Variants in TEX9 observed in about 807,000 individuals in gnomAD.
TEX9 encodes the protein testis-expressed protein 9.
In TEX9, 74 loss-of-function variants were observed where a neutral mutation model predicts 59.6. That is an observed-to-expected ratio of 1.24 (90% CI 1.03 to 1.51). The LOEUF is 1.51. Ranked by LOEUF, TEX9 falls within the 40% of genes most tolerant of loss-of-function variation. TEX9 has a pLI of 0.00. For missense variants in TEX9, 522 were observed against 447.8 expected, an observed-to-expected ratio of 1.17 and a Z score of -1.49; for synonymous variants, 186 against 152.2, an observed-to-expected ratio of 1.22 and a Z score of -1.64.
chr15:56,357,971 A>G (rs1409334188), intron 1 of TEX9, among the ~76,000 whole-genome samples: 1 of 152,134 alleles, frequency 6.6e-6, no homozygotes, highest in African/African-American at 2.4e-5. Flanking sequence ...TTTGATGGTG[A>G]ACTCACATTG....
intron 1 of TEX9, among the ~76,000 whole-genome samples, chr15:56,278,841 T>G (rs1432099683): frequency 2.0e-5 from 3 of 151,834 alleles, no homozygotes; most frequent in African/African-American, 7.3e-5. Context: ...CGTCCCTCTA[T>G]CTGCATCAAG....
intron 1 of TEX9, among the ~76,000 whole-genome samples, chr15:56,350,534 C>G (rs573761885): frequency 6.6e-6 from 1 of 152,292 alleles, no homozygotes; most frequent in South Asian, 2.1e-4. Context: ...CTGGAAGGTT[C>G]TCATGCCTTT....
chr15:56,451,934 T>C, the TEX9 span, among the ~76,000 whole-genome samples: 37 of 152,334 alleles, frequency 2.4e-4, no homozygotes, highest in Non-Finnish European at 5.3e-4. Context: ...GAAAATACTA[T>C]GTATAAATTG....
intron 1 of TEX9, among the ~76,000 whole-genome samples, chr15:56,254,724 G>C (rs994988049): frequency 6.6e-6 from 1 of 151,280 alleles, no homozygotes; most frequent in Non-Finnish European, 1.5e-5. Context: ...ATTTAAAAAA[G>C]ATGAATACAA....
the TEX9 span, among the ~76,000 whole-genome samples, chr15:56,452,580 G>A: frequency 2.1e-3 from 318 of 150,074 alleles, 1 homozygote; most frequent in Non-Finnish European, 3.6e-3. Context: ...GTGCAGTGGC[G>A]CGATCTTGGC....
intron 1 of TEX9, among the ~76,000 whole-genome samples, chr15:56,252,395 T>G (rs930020584): frequency 6.6e-6 from 1 of 150,442 alleles, no homozygotes; most frequent in African/African-American, 2.5e-5. Flanking sequence ...TTTTTTTTTT[T>G]GTCCAGGCCA....
intron 1 of TEX9, among the ~76,000 whole-genome samples, chr15:56,348,155 CTG>C (rs2046508248): frequency 6.6e-6 from 1 of 151,992 alleles, no homozygotes; most frequent in African/African-American, 2.4e-5. Flanking sequence ...CATAGAATCT[CTG>C]TATTATTTCT....
At chr15:56,301,855 A>G (rs2045366840) in intron 1 of TEX9, among the ~76,000 whole-genome samples, 1 of 152,216 alleles carries the variant, frequency 6.6e-6, no homozygotes, top group South Asian at 2.1e-4. Context: ...TTAAAGGTAG[A>G]AAACTCAATG....
intron 2 of TEX9, among the ~76,000 whole-genome samples, chr15:56,372,335 G>A (rs527589370): frequency 6.6e-6 from 1 of 151,166 alleles, no homozygotes; most frequent in African/African-American, 2.4e-5. Context: ...TTTTTCCCTG[G>A]GGGTGGAGAT....
At chr15:56,373,583 A>G (rs2047290040) in intron 3 of TEX9, 79 bp downstream of exon 3, 3 of 1,186,456 alleles carry the variant, frequency 2.5e-6, no homozygotes, top group Admixed American at 6.7e-5. Context: ...TGACATATAT[A>G]CAAAACACTA....
chr15:56,305,028 A>G (rs751426679), intron 1 of TEX9, among the ~76,000 whole-genome samples: 7 of 152,230 alleles, frequency 4.6e-5, no homozygotes, highest in African/African-American at 9.6e-5. Flanking sequence ...ATGTAACCCC[A>G]TTTACATTAG....
chr15:56,452,320 A>C, the TEX9 span, among the ~76,000 whole-genome samples: 1 of 152,152 alleles, frequency 6.6e-6, no homozygotes, highest in African/African-American at 2.4e-5. Flanking sequence ...AACACACAGG[A>C]CACGCTTAAT....
At chr15:56,293,807 C>A (rs1424097334) in intron 1 of TEX9, among the ~76,000 whole-genome samples, 1 of 152,214 alleles carries the variant, frequency 6.6e-6, no homozygotes, top group South Asian at 2.1e-4. Context: ...TTAACACCAT[C>A]CATGACTTCA....
chr15:56,347,235 A>C (rs1167433567), intron 1 of TEX9, among the ~76,000 whole-genome samples: 1 of 152,194 alleles, frequency 6.6e-6, no homozygotes, highest in Non-Finnish European at 1.5e-5. Context: ...AGATTATTCT[A>C]AAATTTGAAT....
chr15:56,369,315 G>A (rs1006962984), intron 2 of TEX9, among the ~76,000 whole-genome samples: 12 of 151,316 alleles, frequency 7.9e-5, no homozygotes, highest in Non-Finnish European at 8.8e-5. Context: ...CCAGCCTCCC[G>A]AGGAGCTGGG....
At chr15:56,385,512 A>G (rs1223787559) in intron 4 of TEX9, among the ~76,000 whole-genome samples, 1 of 152,168 alleles carries the variant, frequency 6.6e-6, no homozygotes, top group Non-Finnish European at 1.5e-5. Flanking sequence ...CTAAAGTTAT[A>G]GTCTCTCCTT....
chr15:56,283,750 AC>A (rs576499258), intron 1 of TEX9, among the ~76,000 whole-genome samples: 1 of 151,986 alleles, frequency 6.6e-6, no homozygotes, highest in African/African-American at 2.4e-5. Context: ...AACTGTATTT[AC>A]CCCCCCTTCA....
intron 1 of TEX9, among the ~76,000 whole-genome samples, chr15:56,299,255 G>A (rs1567077129): frequency 6.6e-6 from 1 of 152,202 alleles, no homozygotes. Flanking sequence ...GTAGAACTTT[G>A]CATTGGAACT....
At chr15:56,318,029 T>A (rs554003115) in intron 1 of TEX9, among the ~76,000 whole-genome samples, 1 of 152,158 alleles carries the variant, frequency 6.6e-6, no homozygotes, top group African/African-American at 2.4e-5. Context: ...AATCTTCTGC[T>A]TTCTTGTTTA....
Sources: allele counts gnomAD v4.1 joint callset (sites outside exome capture counted in the v4.1 genomes callset), GRCh38; gene constraint gnomAD v4.1.1; transcripts MANE v1.5; gene names NCBI Gene and HGNC (gene_info 2026-07-23, HGNC 2026-07-21).